TRIM29: variants seen among roughly 807,000 people sequenced by gnomAD.
The protein encoded by TRIM29 is tripartite motif-containing protein 29.
A neutral mutation model predicts 57.3 loss-of-function variants in TRIM29; 52 were observed. That is an observed-to-expected ratio of 0.91 (90% CI 0.73 to 1.14). TRIM29 has a LOEUF of 1.14. Among genes scored for constraint, TRIM29 ranks in the 50% most tolerant of loss-of-function variants. The probability of loss-of-function intolerance (pLI) is 0.00; values close to 1 mark genes in which losing one functional copy is unlikely to be tolerated. For missense variants in TRIM29, 753 were observed against 774.6 expected (o/e 0.97, Z 0.33); for synonymous variants, 319 against 316.9 (o/e 1.01, Z -0.07).
Position 120,137,893 on chromosome 11 carries a change from C to T in TRIM29, c.139G>A (p.Gly47Ser), listed in dbSNP as rs1591333709. 1 of 1,611,200 alleles carries T rather than the reference C, an allele frequency of 6.2e-7. No individual in the cohort carries two copies. Among genetic ancestry groups the T allele is most frequent in the Non-Finnish European group, 8.5e-7 (1 of 1,180,006 alleles). The change falls in exon 1 of 9, where the codon GGC becomes AGC. Residue 47 changes from glycine (G) to serine (S), a missense_variant. Coordinates refer to ENST00000341846, the MANE Select transcript of TRIM29 (RefSeq NM_012101.4). This position sits in a 1 kb window ranked among gnomAD's most constrained non-coding sequence, Gnocchi z 6.2. ...GKDAKTTNGH[G>S]GEAAEGKSLG... is the part of the protein sequence containing the mutation. ...CTCTTGCCCTCAGCTGCCTCCCCGC[C>T]GTGCCCGTTGGTGGTCTTGGCATCC...
intron 1 of TRIM29, among the ~76,000 whole-genome samples, chr11:120,132,703 G>C (rs559143536): frequency 1.2e-4 from 19 of 152,346 alleles, no homozygotes; most frequent in African/African-American, 3.8e-4. Context: ...CACTACATGG[G>C]CCATCGGCTG....
intron 2 of TRIM29, among the ~76,000 whole-genome samples, chr11:120,127,788 T>C (rs1259029623): frequency 6.6e-6 from 1 of 152,076 alleles, no homozygotes; most frequent in Non-Finnish European, 1.5e-5. Context: ...CCACGCTTCT[T>C]ATCTACCTGT....
Position 120,130,614 on chromosome 11 carries a change from A to T in TRIM29, c.805-2119T>A, listed in dbSNP as rs141104172. 7.1e-3 allele frequency among the ~76,000 whole-genome samples: 1,074 copies of T among 152,286 alleles called. 12 individuals are homozygous for T. The highest frequency in any genetic ancestry group is 0.011 in the Non-Finnish European group (738 of 68,024). ...TCTGGTCCATGGGAGCAGGAAGAGGACCTGCCTTCCAGGGAAGCTGTGGGA... is the reference window on the plus strand; with the variant it reads ...TCTGGTCCATGGGAGCAGGAAGAGGTCCTGCCTTCCAGGGAAGCTGTGGGA... On this transcript the variant is annotated intron_variant, in intron 1 of 8. Transcript: ENST00000341846.
chr11:120,136,036 C>A lies in TRIM29; in HGVS notation c.804+1192G>T, dbSNP rs139430721. Among the ~76,000 whole-genome samples, 229 of 152,286 alleles carry A rather than the reference C, an allele frequency of 1.5e-3. 1 individual carries two copies. The highest frequency in any genetic ancestry group is 4.8e-3 in the African/African-American group (200 of 41,560). Reference sequence around the variant, plus strand: ...TGCTACATCCACAAGCCTGCACTTGCCTCTGCTCCTCCCCATAGAAGTACA... The same window carrying A: ...TGCTACATCCACAAGCCTGCACTTGACTCTGCTCCTCCCCATAGAAGTACA... On this transcript the variant is annotated intron_variant, in intron 1 of 8. Coordinates refer to ENST00000341846, the MANE Select transcript of TRIM29 (RefSeq NM_012101.4).
At position 120,112,390 on chromosome 11, in the gene TRIM29, C is replaced by T. The variant is rs750773934; in HGVS notation, c.*24G>A. 71 of 1,612,794 alleles carry T rather than the reference C, an allele frequency of 4.4e-5. No individual in the cohort carries two copies. The highest frequency in any genetic ancestry group is 8.0e-5 in the African/African-American group (6 of 74,826). ...GTCAGGAGGAAGAGCAGGGGTGTGG[C>T]GCCTCGTTCCTTCCGCCAGGAGCTC... On this transcript the variant is annotated 3_prime_UTR_variant, in exon 9 of 9. Coordinates refer to ENST00000341846, the MANE Select transcript of TRIM29 (RefSeq NM_012101.4).
rs776565917 is a variant in TRIM29 at position 120,120,638 on chromosome 11, G to A, written c.1463C>T (p.Ser488Leu). 6.3e-5 allele frequency: 101 copies of A among 1,613,768 alleles called. No homozygotes were observed. The highest frequency in any genetic ancestry group is 7.0e-5 in the Non-Finnish European group (83 of 1,179,988). The part of the protein sequence containing the change: ...KGGVRTSYQP[S>L]SPGRFTKETT... ...CTCCTTGGTGAAGCGGCCAGGAGACGAGGGCTGGTATGATGTCCGGACCCC... is the reference window on the plus strand; with the variant it reads ...CTCCTTGGTGAAGCGGCCAGGAGACAAGGGCTGGTATGATGTCCGGACCCC... The change falls in exon 6 of 9, where the codon TCG (serine) becomes TTG (leucine). Residue 488 changes from serine to leucine, a missense_variant. Coordinates refer to ENST00000341846, the MANE Select transcript of TRIM29 (RefSeq NM_012101.4).
intron 2 of TRIM29, 122 bp from the exon 3 acceptor site, chr11:120,127,691 G>A (rs762873679): frequency 1.4e-5 from 12 of 864,160 alleles, no homozygotes; most frequent in Non-Finnish European, 1.7e-5. Flanking sequence ...GCCCCAACCT[G>A]GCAAGCCTAT....
intron 6 of TRIM29, among the ~76,000 whole-genome samples, chr11:120,120,243 C>T (rs1440661340): frequency 6.6e-6 from 1 of 151,930 alleles, no homozygotes; most frequent in African/African-American, 2.4e-5. Flanking sequence ...CCAGATCCTT[C>T]CTCAGGGATC....
Position 120,123,014 on chromosome 11 carries a change from C to CGAAGCTGTT in TRIM29, c.1366_1374dup (p.Asn456_Phe458dup). The CGAAGCTGTT allele has an allele frequency of 1.2e-6, 2 of 1,614,078 alleles. No individual in the cohort carries two copies. On this transcript the variant is annotated inframe_insertion, in exon 5 of 9. Transcript: ENST00000341846. ...GTGTCCGGTGCACTCCACTCACCCCCGAAGCTGTTCGTGTAGTTGTTCACA... is the reference window on the plus strand; with the variant it reads ...GTGTCCGGTGCACTCCACTCACCCCCGAAGCTGTTGAAGCTGTTCGTGTAGTTGTTCACA...
At chr11:120,127,614 A>T in intron 2 of TRIM29, 45 bp from the exon 3 acceptor site, 1 of 1,564,222 alleles carries the variant, frequency 6.4e-7, no homozygotes, top group East Asian at 2.2e-5. Flanking sequence ...GGCTTTAGTT[A>T]GGGAAAGAAA....
At chr11:120,132,581 A>T (rs1863741515) in intron 1 of TRIM29, among the ~76,000 whole-genome samples, 1 of 152,070 alleles carries the variant, frequency 6.6e-6, no homozygotes, top group Non-Finnish European at 1.5e-5. Context: ...CAGTGCCTCA[A>T]CCTGGACGTG....
At chr11:120,115,222 C>T in intron 8 of TRIM29, 116 bp downstream of exon 8, 2 of 1,005,232 alleles carry the variant, frequency 2.0e-6, no homozygotes, top group South Asian at 1.4e-5. Flanking sequence ...TTCTCCTCCA[C>T]CCCATGGCCC....
At chr11:120,118,353 C>A (rs781673192) in intron 6 of TRIM29, 32 bp from the exon 7 acceptor site, 6 of 1,561,708 alleles carry the variant, frequency 3.8e-6, no homozygotes, top group Non-Finnish European at 3.5e-6. Context: ...GTCAGGCCCC[C>A]ACAGCTGGGA....
chr11:120,132,256 G>T (rs565043344), intron 1 of TRIM29, among the ~76,000 whole-genome samples: 7 of 147,800 alleles, frequency 4.7e-5, no homozygotes, highest in African/African-American at 1.8e-4. Flanking sequence ...GTCCTCTGAG[G>T]CCCCAGCTTT....
At chr11:120,121,507 C>T (rs1010846195) in intron 5 of TRIM29, 2 of 155,346 alleles carry the variant, frequency 1.3e-5, no homozygotes, top group East Asian at 1.9e-4. Flanking sequence ...CTCCTGTCCT[C>T]GGCACAGGCT....
intron 7 of TRIM29, chr11:120,116,992 G>A (rs535531378): frequency 1.6e-4 from 69 of 444,834 alleles, no homozygotes; most frequent in Non-Finnish European, 2.8e-4. Context: ...CTGCGACCCA[G>A]TGGTTTGGAA....
At chr11:120,124,768 C>T (rs1863544122) in intron 4 of TRIM29, 1 of 152,144 alleles carries the variant, frequency 6.6e-6, no homozygotes, top group African/African-American at 2.4e-5. Context: ...CACAGGGACA[C>T]CATGTGATAT....
At position 120,137,909 on chromosome 11, in the gene TRIM29, C is replaced by T. The variant is rs763780197; in HGVS notation, c.123G>A (p.Lys41=). 47 of 1,610,478 alleles carry T rather than the reference C, an allele frequency of 2.9e-5. No homozygotes were observed. The highest frequency in any genetic ancestry group is 2.2e-4 in the East Asian group (10 of 44,872). ...CCTCCCCGCCGTGCCCGTTGGTGGTCTTGGCATCCTTGCCGTCAGCCTTGG... is the reference window on the plus strand; with the variant it reads ...CCTCCCCGCCGTGCCCGTTGGTGGTTTTGGCATCCTTGCCGTCAGCCTTGG... ...NGTKADGKDA[K]TTNGHGGEAA... The change falls in exon 1 of 9, where the codon AAG becomes AAA. Residue 41 remains lysine, a synonymous_variant. Transcript: ENST00000341846. This position sits in a 1 kb window ranked among gnomAD's most constrained non-coding sequence, Gnocchi z 6.2.
intron 1 of TRIM29, among the ~76,000 whole-genome samples, chr11:120,134,059 G>A (rs1863769937): frequency 6.6e-6 from 1 of 152,134 alleles, no homozygotes; most frequent in Non-Finnish European, 1.5e-5. Context: ...GGATGTATGT[G>A]TACATTTCAA....
Sources: allele counts gnomAD v4.1 joint callset (sites outside exome capture counted in the v4.1 genomes callset), GRCh38; gene constraint gnomAD v4.1.1; non-coding constraint Gnocchi (gnomAD v3.1); transcripts MANE v1.5; gene names NCBI Gene and HGNC (gene_info 2026-07-23, HGNC 2026-07-21).